Variants in KCNQ5 observed in about 807,000 individuals in gnomAD.
KCNQ5 encodes potassium voltage-gated channel subfamily Q member 5.
KCNQ5 carries 30 observed loss-of-function variants against 98.2 expected under a neutral mutation model. That is an observed-to-expected ratio of 0.31 (90% CI 0.23 to 0.41). KCNQ5 has a LOEUF of 0.41. KCNQ5 is among the 10% of genes least tolerant of loss of function. The pLI is 1.00. For synonymous variants in KCNQ5, 458 were observed against 449.4 expected (o/e 1.02, Z -0.24); for missense variants, 835 against 1,182.5 (o/e 0.71, Z 4.31).
Position 72,622,723 on chromosome 6 carries a change from C to A in KCNQ5, c.398+136C>A. ...TGGCTTTTATTTCTTCGCACGTGTT[C>A]GTGGTCTTCCTTCTGGAGCCTCTCC... On this transcript the variant is annotated intron_variant, in intron 1 of 13. Transcript: ENST00000370398. The surrounding 1 kb of genome is among the most constrained non-coding windows in gnomAD (Gnocchi z 6.0). The A allele has an allele frequency of 1.2e-6, 1 of 867,924 alleles. No individual in the cohort carries two copies. Among genetic ancestry groups the A allele is most frequent in the East Asian group, 2.9e-5 (1 of 35,022 alleles). The allele number at this position is 867,924 out of a possible 1,614,324, so 53.8% of individuals were successfully genotyped here. A position where few individuals can be genotyped will look rare whatever the true frequency, so the allele number is the denominator to read the frequency against.
intron 1 of KCNQ5, among the ~76,000 whole-genome samples, chr6:72,884,451 G>GTGAGAGA (rs1232199210): frequency 3.3e-5 from 5 of 152,154 alleles, no homozygotes; most frequent in African/African-American, 9.7e-5. Flanking sequence ...ACAAGCAACA[G>GTGAGAGA]TGAGAGATGA....
At chr6:72,769,866 C>G (rs1023212404) in intron 1 of KCNQ5, among the ~76,000 whole-genome samples, 14 of 152,060 alleles carry the variant, frequency 9.2e-5, no homozygotes, top group Admixed American at 3.9e-4. Context: ...ATGCAAAGAA[C>G]TCAACAGCTG....
chr6:72,648,135 T>C (rs1249180147), intron 1 of KCNQ5, among the ~76,000 whole-genome samples: 1 of 152,128 alleles, frequency 6.6e-6, no homozygotes, highest in Admixed American at 6.6e-5. Flanking sequence ...CATTATGTAC[T>C]AAAACATAAA....
chr6:73,144,182 C>T (rs1313863944), intron 10 of KCNQ5, among the ~76,000 whole-genome samples: 1 of 152,168 alleles, frequency 6.6e-6, no homozygotes, highest in Non-Finnish European at 1.5e-5. Flanking sequence ...ATGAGTTACC[C>T]AGGCTTTGCT....
At chr6:72,702,225 AC>A (rs1454167231) in intron 1 of KCNQ5, among the ~76,000 whole-genome samples, 1 of 152,212 alleles carries the variant, frequency 6.6e-6, no homozygotes, top group Non-Finnish European at 1.5e-5. Context: ...ACATTTACAA[AC>A]AAATGAGTTT....
At chr6:72,995,345 G>C (rs543738962) in intron 1 of KCNQ5, among the ~76,000 whole-genome samples, 7 of 142,912 alleles carry the variant, frequency 4.9e-5, no homozygotes, top group African/African-American at 1.9e-4. Context: ...TCCAGCCTAG[G>C]CAACAAGAGC....
intron 1 of KCNQ5, among the ~76,000 whole-genome samples, chr6:72,832,272 A>G (rs7740411): frequency 0.036 from 5,416 of 152,214 alleles, 331 homozygotes; most frequent in African/African-American, 0.12. Flanking sequence ...AGAGGAAAGA[A>G]AATTAATGAG....
intron 1 of KCNQ5, among the ~76,000 whole-genome samples, chr6:72,787,004 CAAAA>C (rs1045803750): frequency 4.0e-5 from 2 of 50,438 alleles, no homozygotes; most frequent in Non-Finnish European, 9.0e-5. Context: ...GACTCTGTCT[CAAAA>C]AAAAAAAAAA....
chr6:73,195,036 C>T lies in KCNQ5; in HGVS notation c.2421C>T (p.Ser807=). The T allele has an allele frequency of 6.2e-7, 1 of 1,614,192 alleles. No homozygotes were observed. The highest frequency in any genetic ancestry group is 8.5e-7 in the Non-Finnish European group (1 of 1,180,040). The change falls in exon 14 of 14, where the codon AGC becomes AGT. Residue 807 remains serine, a synonymous_variant. Transcript: ENST00000370398. ...NLTKDRSMRK[S]FDMGGETLLS... ...CCAAGGACCGTTCTATGAGGAAAAGCTTTGACATGGGAGGAGAAACTCTGT... is the reference window on the plus strand; with the variant it reads ...CCAAGGACCGTTCTATGAGGAAAAGTTTTGACATGGGAGGAGAAACTCTGT...
chr6:72,703,293 T>C (rs1382624354), intron 1 of KCNQ5, among the ~76,000 whole-genome samples: 1 of 152,236 alleles, frequency 6.6e-6, no homozygotes. Context: ...TCTTTCCTCT[T>C]ACTCTAACTT....
chr6:72,831,252 T>A (rs899075209), intron 1 of KCNQ5, among the ~76,000 whole-genome samples: 2 of 152,156 alleles, frequency 1.3e-5, no homozygotes, highest in Non-Finnish European at 2.9e-5. Flanking sequence ...GGATTATAAA[T>A]CATGCTGCTA....
chr6:72,779,571 A>G (rs1427017742), intron 1 of KCNQ5, among the ~76,000 whole-genome samples: 1 of 152,074 alleles, frequency 6.6e-6, no homozygotes, highest in Admixed American at 6.6e-5. Context: ...TTGGATGAAG[A>G]CTGAGGAGAG....
At chr6:73,022,628 C>T (rs1054122362) in intron 2 of KCNQ5, among the ~76,000 whole-genome samples, 3 of 152,060 alleles carry the variant, frequency 2.0e-5, no homozygotes, top group Non-Finnish European at 4.4e-5. Flanking sequence ...AATGCATTAA[C>T]CAAGCATTTC....
intron 3 of KCNQ5, among the ~76,000 whole-genome samples, chr6:73,061,727 G>A (rs966491672): frequency 9.9e-5 from 15 of 152,034 alleles, no homozygotes; most frequent in Non-Finnish European, 2.9e-5. Flanking sequence ...TAGAATTTTA[G>A]TTGTAACTTT....
intron 3 of KCNQ5, among the ~76,000 whole-genome samples, chr6:73,074,026 G>A (rs902691035): frequency 1.3e-5 from 2 of 152,150 alleles, no homozygotes; most frequent in Non-Finnish European, 2.9e-5. Flanking sequence ...CAGTCAACAA[G>A]CCATTGATGT....
intron 11 of KCNQ5, among the ~76,000 whole-genome samples, chr6:73,178,976 A>T (rs1177679851): frequency 6.6e-6 from 1 of 152,176 alleles, no homozygotes; most frequent in East Asian, 1.9e-4. Context: ...TTGTCCCGTG[A>T]TCAATTTCGA....
chr6:72,658,412 C>T (rs1766306465), intron 1 of KCNQ5, among the ~76,000 whole-genome samples: 2 of 150,556 alleles, frequency 1.3e-5, no homozygotes, highest in African/African-American at 4.9e-5. Flanking sequence ...TCCCAAGTAG[C>T]TGGGATTACA....
At position 72,936,097 on chromosome 6, in the gene KCNQ5, G is replaced by T. The variant is rs113753461; in HGVS notation, c.399-67811G>T. Reference sequence around the variant, plus strand: ...CTGATCTCCAGACTCCCAACTAGAAGCCTCTCTGACATTTCCACTTACTTG... The same window carrying T: ...CTGATCTCCAGACTCCCAACTAGAATCCTCTCTGACATTTCCACTTACTTG... On this transcript the variant is annotated intron_variant, in intron 1 of 13. Coordinates refer to ENST00000370398, the MANE Select transcript of KCNQ5 (RefSeq NM_019842.4). 1.0e-3 allele frequency among the ~76,000 whole-genome samples: 152 copies of T among 152,134 alleles called. 1 individual carries two copies. The highest frequency in any genetic ancestry group is 3.3e-3 in the African/African-American group (137 of 41,464).
chr6:72,676,646 C>T (rs1240634912), intron 1 of KCNQ5, among the ~76,000 whole-genome samples: 1 of 152,174 alleles, frequency 6.6e-6, no homozygotes, highest in Non-Finnish European at 1.5e-5. Flanking sequence ...CATTAATTGA[C>T]CAACATTGCT....
Sources: allele counts gnomAD v4.1 joint callset (sites outside exome capture counted in the v4.1 genomes callset), GRCh38; gene constraint gnomAD v4.1.1; non-coding constraint Gnocchi (gnomAD v3.1); transcripts MANE v1.5; gene names NCBI Gene and HGNC (gene_info 2026-07-23, HGNC 2026-07-21).